The following CRACR2A variants were observed in gnomAD, a reference collection of about 807,000 sequenced individuals.
CRACR2A encodes the protein calcium release activated channel regulator 2A, also known as EF-hand calcium-binding domain-containing protein 4B.
Under a neutral mutation model 90.5 loss-of-function variants are expected in CRACR2A, and 79 were observed. The ratio of observed to expected loss-of-function variants is 0.87; its 90% CI spans 0.73 to 1.05. The LOEUF (loss-of-function observed/expected upper bound fraction) is 1.05, where lower values mean the gene tolerates loss of function less well. CRACR2A is among the 50% of genes least tolerant of loss of function. The pLI is 0.00. For missense variants in CRACR2A, 823 were observed against 897.2 expected (o/e 0.92, Z 1.06); for synonymous variants, 338 against 356.7 (o/e 0.95, Z 0.59).
chr12:3,721,888 G>A (rs555341838), intron 2 of CRACR2A, among the ~76,000 whole-genome samples: 3 of 152,148 alleles, frequency 2.0e-5, no homozygotes, highest in Non-Finnish European at 2.9e-5. Flanking sequence ...CGTCCAGCAC[G>A]TGTTTGGAAA....
chr12:3,686,892 T>C (rs1200783935), intron 4 of CRACR2A, among the ~76,000 whole-genome samples: 1 of 152,156 alleles, frequency 6.6e-6, no homozygotes, highest in Non-Finnish European at 1.5e-5. Flanking sequence ...GCATTTCACA[T>C]GCCCGAGCAG....
intron 6 of CRACR2A, among the ~76,000 whole-genome samples, chr12:3,674,070 G>A (rs904440791): frequency 1.4e-4 from 22 of 152,212 alleles, no homozygotes; most frequent in Admixed American, 2.0e-4. Context: ...AGCCCAGTGC[G>A]TTTAAGGACA....
chr12:3,683,279 C>T (rs952931155), intron 4 of CRACR2A, among the ~76,000 whole-genome samples: 1 of 152,196 alleles, frequency 6.6e-6, no homozygotes, highest in African/African-American at 2.4e-5. Context: ...CTGTTATTCC[C>T]TCACCTTCAT....
chr12:3,647,041 C>CA (rs1266296276), intron 11 of CRACR2A, among the ~76,000 whole-genome samples: 1 of 152,164 alleles, frequency 6.6e-6, no homozygotes, highest in Non-Finnish European at 1.5e-5. Flanking sequence ...GATCCAGCTT[C>CA]AAAGTGCATG....
intron 2 of CRACR2A, chr12:3,726,761 T>TCA (rs1396859400): frequency 6.6e-6 from 1 of 151,234 alleles, no homozygotes; most frequent in Admixed American, 6.6e-5. Flanking sequence ...TGACAAAGTG[T>TCA]CACAGAAAAC....
intron 4 of CRACR2A, among the ~76,000 whole-genome samples, chr12:3,688,054 A>C (rs1945594957): frequency 6.6e-6 from 1 of 151,894 alleles, no homozygotes; most frequent in Non-Finnish European, 1.5e-5. Flanking sequence ...CTTTCTTATA[A>C]ATTTGTGTAA....
At chr12:3,724,795 T>A (rs995895808) in intron 2 of CRACR2A, among the ~76,000 whole-genome samples, 1 of 152,128 alleles carries the variant, frequency 6.6e-6, no homozygotes, top group Non-Finnish European at 1.5e-5. Flanking sequence ...GACCCTTACA[T>A]TGATGGACAA....
chr12:3,641,139 T>A (rs979148228), intron 13 of CRACR2A, among the ~76,000 whole-genome samples: 1 of 151,160 alleles, frequency 6.6e-6, no homozygotes, highest in African/African-American at 2.4e-5. Context: ...AGGGCAGGAG[T>A]TCAAGACCAG....
At chr12:3,621,728 GA>G (rs113685052) in intron 17 of CRACR2A, among the ~76,000 whole-genome samples, 26 of 114,126 alleles carry the variant, frequency 2.3e-4, no homozygotes, top group African/African-American at 3.3e-4. Context: ...AGAAGGAGCA[GA>G]AAAAAAAAAT....
chr12:3,646,166 T>C (rs139176910), intron 11 of CRACR2A, among the ~76,000 whole-genome samples: 339 of 152,180 alleles, frequency 2.2e-3, no homozygotes, highest in Non-Finnish European at 3.6e-3. Context: ...GTAGGAGCAG[T>C]TGGGAAAGTG....
intron 4 of CRACR2A, among the ~76,000 whole-genome samples, chr12:3,687,805 C>A (rs762523295): frequency 1.3e-5 from 2 of 152,332 alleles, no homozygotes; most frequent in South Asian, 2.1e-4. Flanking sequence ...TACACTCCCA[C>A]CAACAGTGTG....
intron 7 of CRACR2A, among the ~76,000 whole-genome samples, chr12:3,667,054 G>C (rs954821088): frequency 5.3e-5 from 8 of 152,198 alleles, no homozygotes; most frequent in African/African-American, 1.9e-4. Flanking sequence ...TGTCTTTGGG[G>C]CTGTGGTTTG....
intron 7 of CRACR2A, among the ~76,000 whole-genome samples, chr12:3,660,694 A>T (rs1945012621): frequency 6.6e-6 from 1 of 152,082 alleles, no homozygotes; most frequent in Non-Finnish European, 1.5e-5. Flanking sequence ...TTGCATTTTC[A>T]TACCTTTTTT....
At chr12:3,751,490 G>A (rs1318539378) in intron 1 of CRACR2A, among the ~76,000 whole-genome samples, 2 of 152,132 alleles carry the variant, frequency 1.3e-5, no homozygotes, top group African/African-American at 4.8e-5. Context: ...TAATAATGAA[G>A]TTTCTAGACT....
intron 2 of CRACR2A, among the ~76,000 whole-genome samples, chr12:3,720,396 A>C (rs1156456065): frequency 9.6e-6 from 1 of 103,990 alleles, no homozygotes; most frequent in African/African-American, 3.6e-5. Flanking sequence ...GGAGGGGGGG[A>C]GGGACGGAGT....
At chr12:3,695,699 G>T (rs1294464801) in intron 4 of CRACR2A, among the ~76,000 whole-genome samples, 2 of 152,224 alleles carry the variant, frequency 1.3e-5, no homozygotes, top group Non-Finnish European at 2.9e-5. Context: ...CCTAGCCATT[G>T]TGCTTCCTCC....
intron 3 of CRACR2A, among the ~76,000 whole-genome samples, chr12:3,698,179 GA>G (rs1419467993): frequency 6.6e-6 from 1 of 152,168 alleles, no homozygotes; most frequent in Non-Finnish European, 1.5e-5. Flanking sequence ...AACATCCTTG[GA>G]TTTTTTTTTC....
chr12:3,661,014 A>G (rs754297262), intron 7 of CRACR2A, among the ~76,000 whole-genome samples: 1 of 152,108 alleles, frequency 6.6e-6, no homozygotes, highest in African/African-American at 2.4e-5. Context: ...AGATTTCTGA[A>G]CTGAACATAA....
At chr12:3,731,120 G>T (rs996025502) in intron 2 of CRACR2A, 4 of 152,258 alleles carry the variant, frequency 2.6e-5, no homozygotes, top group African/African-American at 9.7e-5. Flanking sequence ...AGGTTGTTCA[G>T]TATCTGGTGT....
Sources: allele counts gnomAD v4.1 joint callset (sites outside exome capture counted in the v4.1 genomes callset), GRCh38; gene constraint gnomAD v4.1.1; transcripts MANE v1.5; gene names NCBI Gene and HGNC (gene_info 2026-07-23, HGNC 2026-07-21).